Variants in ATP10B observed in about 807,000 individuals in gnomAD.
The protein encoded by ATP10B is phospholipid-transporting ATPase VB.
In ATP10B, 122 loss-of-function variants were observed where a neutral mutation model predicts 141.2. That is an observed-to-expected ratio of 0.86 (90% confidence interval 0.75 to 1.00). The LOEUF is 1.00. ATP10B is among the 50% of genes least tolerant of loss of function. The probability of loss-of-function intolerance (pLI) is 0.00; values close to 1 mark genes in which losing one functional copy is unlikely to be tolerated. For synonymous variants in ATP10B, 685 were observed against 692.0 expected (o/e 0.99, Z 0.16); for missense variants, 1,876 against 1,825.3 (o/e 1.03, Z -0.51).
At chr5:160,637,610 G>GAT (rs1759517063) in intron 10 of ATP10B, among the ~76,000 whole-genome samples, 1 of 152,204 alleles carries the variant, frequency 6.6e-6, no homozygotes, top group South Asian at 2.1e-4. Context: ...TGAGGATTAT[G>GAT]TAAGGTGAAG....
the ATP10B span, among the ~76,000 whole-genome samples, chr5:160,889,027 TG>T: frequency 2.6e-5 from 4 of 152,004 alleles, no homozygotes; most frequent in African/African-American, 9.7e-5. Flanking sequence ...AAAAATAGGG[TG>T]GGGATAAGCC....
intron 1 of ATP10B, among the ~76,000 whole-genome samples, chr5:160,822,381 G>T (rs1359347963): frequency 1.3e-5 from 2 of 152,108 alleles, no homozygotes; most frequent in Non-Finnish European, 2.9e-5. Flanking sequence ...GCAAGGATAT[G>T]AAGAAAAGGG....
chr5:160,617,896 C>A lies in ATP10B; in HGVS notation c.2494G>T (p.Asp832Tyr). The A allele has an allele frequency of 6.2e-7, 1 of 1,614,190 alleles. No individual in the cohort carries two copies. Among genetic ancestry groups the A allele is most frequent in the Non-Finnish European group, 8.5e-7 (1 of 1,179,988 alleles). ...TQKHLDLYARDGLRTLCIAKK... is the reference protein window; with the variant it reads ...TQKHLDLYARYGLRTLCIAKK... The stretch of plus-strand genomic sequence containing the variant: ...GCAATGCATAGTGTGCGCAGGCCAT[C>A]TCTTGCATACAAGTCTAGATGCTTT... Residue 832 changes from aspartate (D) to tyrosine (Y), a missense_variant, in exon 16 of 26, where the codon GAT (aspartate) becomes TAT (tyrosine). By Grantham distance (160) the Asp-to-Tyr change is radical. Transcript: ENST00000327245.
the ATP10B span, among the ~76,000 whole-genome samples, chr5:160,902,571 G>A: frequency 1.3e-5 from 2 of 152,146 alleles, no homozygotes; most frequent in Non-Finnish European, 2.9e-5. Flanking sequence ...CATTCTTGAA[G>A]TCGGTTCTGA....
intron 7 of ATP10B, among the ~76,000 whole-genome samples, chr5:160,661,091 C>G (rs571342564): frequency 1.3e-5 from 2 of 152,148 alleles, no homozygotes; most frequent in East Asian, 3.9e-4. Flanking sequence ...GAGGCTGAGG[C>G]AAGGGAATCG....
chr5:160,617,265 C>A (rs1758075993), intron 16 of ATP10B, among the ~76,000 whole-genome samples: 1 of 152,206 alleles, frequency 6.6e-6, no homozygotes, highest in African/African-American at 2.4e-5. Flanking sequence ...GCAGAAGTTG[C>A]AAAGTCAAAG....
rs1407039052 is a variant in ATP10B, at chr5:160,653,624, A to ACATATATACATATAT, written c.676-4369_676-4368insATATATGTATATATG. On this transcript the variant is annotated intron_variant, in intron 7 of 25. Coordinates refer to ENST00000327245, the MANE Select transcript of ATP10B (RefSeq NM_025153.3). ...ATATATACATATATACATATATATT[A>ACATATATACATATAT]TATATACATATATACATATATATTA... is the stretch of plus-strand genomic sequence containing the variant. Among the ~76,000 whole-genome samples, 2 of 76,522 alleles carry ACATATATACATATAT rather than the reference A, an allele frequency of 2.6e-5. 1 individual carries two copies. The highest frequency in any genetic ancestry group is 1.1e-4 in the African/African-American group (2 of 18,224). The allele number at this position is 76,522 out of a possible 152,430, so 50.2% of individuals were successfully genotyped here. A position where few individuals can be genotyped will look rare whatever the true frequency, so the allele number is the denominator to read the frequency against.
chr5:160,896,012 C>G, the ATP10B span, among the ~76,000 whole-genome samples: 70,111 of 151,986 alleles, frequency 0.46, 17,275 homozygotes, highest in Non-Finnish European at 0.54. Flanking sequence ...AACAAAGACA[C>G]TACATACTGG....
chr5:160,640,420 A>G (rs764396420), intron 10 of ATP10B, 41 bp downstream of exon 10: 3 of 1,592,440 alleles, frequency 1.9e-6, no homozygotes, highest in African/African-American at 1.3e-5. Context: ...GCCCAAATAA[A>G]TCGATTACTG....
intron 13 of ATP10B, among the ~76,000 whole-genome samples, chr5:160,628,493 T>A (rs1459987038): frequency 6.6e-6 from 1 of 151,988 alleles, no homozygotes; most frequent in African/African-American, 2.4e-5. Context: ...GCTGCATAAA[T>A]CTCTTCCAAA....
At chr5:160,743,704 T>TTCAAAAGTTTAG (rs1326858103) in intron 2 of ATP10B, among the ~76,000 whole-genome samples, 1 of 152,234 alleles carries the variant, frequency 6.6e-6, no homozygotes, top group Non-Finnish European at 1.5e-5. Context: ...AACTTTTAAT[T>TTCAAAAGTTTAG]TCAAAGTTAT....
chr5:160,687,228 TC>T (rs1484610666), intron 5 of ATP10B, among the ~76,000 whole-genome samples: 5 of 152,244 alleles, frequency 3.3e-5, no homozygotes, highest in African/African-American at 1.2e-4. Context: ...AAAACTAATG[TC>T]TGTCTCTTTT....
chr5:160,905,755 T>A, the ATP10B span, among the ~76,000 whole-genome samples: 2 of 152,210 alleles, frequency 1.3e-5, no homozygotes, highest in East Asian at 3.9e-4. Context: ...AACTGTAGCA[T>A]GTAACACATT....
Position 160,731,663 on chromosome 5 carries a change from A to G in ATP10B, c.-330-14629T>C, listed in dbSNP as rs554428425. On this transcript the variant is annotated intron_variant, in intron 2 of 25. Transcript: ENST00000327245. ...TACTGGTGGAAAAATGTCTGTCTTT[A>G]TGATATGAATAACTAGGGAACTAAG... 2.0e-5 allele frequency among the ~76,000 whole-genome samples: 3 copies of G among 152,302 alleles called. No individual in the cohort carries two copies. The South Asian group carries it at 6.2e-4, about 32-fold the overall frequency.
the ATP10B span, among the ~76,000 whole-genome samples, chr5:160,860,012 T>TTTAGAAATAAAA: frequency 2.6e-4 from 40 of 152,050 alleles, no homozygotes; most frequent in African/African-American, 9.2e-4. Context: ...AATAAATGTA[T>TTTAGAAATAAAA]ATTACTCTTT....
chr5:160,630,489 G>A (rs6892693), intron 13 of ATP10B, among the ~76,000 whole-genome samples: 121,223 of 152,196 alleles, frequency 0.8, 48,660 homozygotes, highest in Middle Eastern at 0.85. Flanking sequence ...ATTTTCTGGG[G>A]GAGACATACT....
intron 6 of ATP10B, among the ~76,000 whole-genome samples, chr5:160,674,036 G>A (rs1017364233): frequency 6.6e-6 from 1 of 151,974 alleles, no homozygotes; most frequent in African/African-American, 2.4e-5. Flanking sequence ...TGGCTTCTGT[G>A]TCCTACTGGA....
chr5:160,683,842 G>A (rs1309555877), intron 6 of ATP10B, among the ~76,000 whole-genome samples: 1 of 152,108 alleles, frequency 6.6e-6, no homozygotes, highest in Non-Finnish European at 1.5e-5. Flanking sequence ...GGACTATGTG[G>A]GTTATCACAA....
chr5:160,816,907 A>G (rs1294628441), intron 1 of ATP10B, among the ~76,000 whole-genome samples: 7 of 152,202 alleles, frequency 4.6e-5, no homozygotes, highest in South Asian at 4.2e-4. Flanking sequence ...AAAACCATAT[A>G]ATTATCTCAA....
Sources: gnomAD v4.1 joint callset for allele counts (sites outside exome capture counted in the v4.1 genomes callset) on GRCh38, gnomAD v4.1.1 for gene constraint, MANE v1.5 for transcripts, NCBI Gene and HGNC (gene_info 2026-07-23, HGNC 2026-07-21) for gene names.